ROR2: variants seen among roughly 807,000 people sequenced by gnomAD.
ROR2 encodes tyrosine-protein kinase transmembrane receptor ROR2.
ROR2 carries 33 observed loss-of-function variants against 74.9 expected under a neutral mutation model. That is an observed-to-expected ratio of 0.44 (90% CI 0.33 to 0.59). The LOEUF (loss-of-function observed/expected upper bound fraction) is 0.59. ROR2 is among the 20% of genes least tolerant of loss of function. The pLI is 0.02. For missense variants in ROR2, 1,216 were observed against 1,313.8 expected (o/e 0.93, Z 1.15); for synonymous variants, 586 against 558.7 (o/e 1.05, Z -0.69).
chr9:91,919,860 T>C (rs545785793), intron 1 of ROR2, among the ~76,000 whole-genome samples: 2 of 152,220 alleles, frequency 1.3e-5, no homozygotes, highest in East Asian at 3.9e-4. Flanking sequence ...ACCACTGGGG[T>C]GGACTCGGAG....
Position 91,722,842 on chromosome 9 carries a change from C to T in ROR2, c.*820G>A. On this transcript the variant is annotated 3_prime_UTR_variant, in exon 9 of 9. Transcript: ENST00000375708. The stretch of plus-strand genomic sequence containing the variant: ...GACCAAAATACTTCAATGAAAATGG[C>T]ATATTAAAAACATATAAATTACATT... 1.8e-6 allele frequency: 1 copy of T among 548,484 alleles called. No homozygotes were observed. The highest frequency in any genetic ancestry group is 3.1e-5 in the Admixed American group (1 of 32,484). 34.0% of individuals were successfully genotyped at this position (548,484 alleles called of 1,614,324 possible). A position where few individuals can be genotyped will look rare whatever the true frequency, so the allele number is the denominator to read the frequency against.
At chr9:91,895,669 C>A (rs980304079) in intron 1 of ROR2, among the ~76,000 whole-genome samples, 1 of 152,156 alleles carries the variant, frequency 6.6e-6, no homozygotes, top group Non-Finnish European at 1.5e-5. Context: ...CATGGTGAAA[C>A]CCCATCTCTA....
intron 1 of ROR2, among the ~76,000 whole-genome samples, chr9:91,880,410 A>C (rs1830076322): frequency 6.6e-6 from 1 of 152,256 alleles, no homozygotes; most frequent in African/African-American, 2.4e-5. Context: ...AAGCATTTGT[A>C]GGTGCATCAG....
At chr9:91,810,876 C>G (rs1005566132) in intron 1 of ROR2, among the ~76,000 whole-genome samples, 9 of 152,220 alleles carry the variant, frequency 5.9e-5, no homozygotes, top group African/African-American at 1.7e-4. Context: ...GGGGAGACAT[C>G]GGCACTCTCA....
At chr9:91,770,408 C>G (rs967225806) in intron 2 of ROR2, among the ~76,000 whole-genome samples, 5 of 152,186 alleles carry the variant, frequency 3.3e-5, no homozygotes, top group Non-Finnish European at 5.9e-5. Context: ...TCGGTATGGG[C>G]GGGGGCAGGG....
intron 1 of ROR2, among the ~76,000 whole-genome samples, chr9:91,843,309 G>T (rs1265599474): frequency 6.6e-6 from 1 of 152,234 alleles, no homozygotes; most frequent in Non-Finnish European, 1.5e-5. Context: ...TAAAGTCAGT[G>T]GGGTCTGAGC....
At chr9:91,835,552 T>G (rs1037268173) in intron 1 of ROR2, among the ~76,000 whole-genome samples, 33 of 152,160 alleles carry the variant, frequency 2.2e-4, no homozygotes, top group African/African-American at 7.7e-4. Flanking sequence ...CCATCCCTGA[T>G]CCCCATCTCC....
At chr9:91,743,930 T>A (rs1386730973) in intron 4 of ROR2, among the ~76,000 whole-genome samples, 2 of 152,268 alleles carry the variant, frequency 1.3e-5, no homozygotes, top group Non-Finnish European at 2.9e-5. Context: ...GCTTTATTTA[T>A]AATTGCCCCC....
rs1368305927 is a variant in ROR2 at position 91,756,070 on chromosome 9, C to T, written c.494+1G>A. ...ACGGCTTGGGGAAAACAGATACTTA[C>T]TGAAAGTTATGATTTGGGCTGTGCG... On this transcript the variant is annotated splice_donor_variant, in intron 4 of 8. Coordinates refer to ENST00000375708, the MANE Select transcript of ROR2 (RefSeq NM_004560.4). LOFTEE classifies it high-confidence loss of function. 1 of 1,613,858 alleles carries T rather than the reference C, an allele frequency of 6.2e-7. No homozygotes were observed. The highest frequency in any genetic ancestry group is 8.5e-7 in the Non-Finnish European group (1 of 1,179,862).
intron 1 of ROR2, among the ~76,000 whole-genome samples, chr9:91,817,092 G>A (rs1373834143): frequency 2.6e-5 from 4 of 152,260 alleles, no homozygotes; most frequent in South Asian, 4.1e-4. Context: ...AGCTTCACTC[G>A]GGGCCTCTGA....
chr9:91,735,245 G>A (rs1824980433), intron 5 of ROR2, among the ~76,000 whole-genome samples: 1 of 152,182 alleles, frequency 6.6e-6, no homozygotes, highest in Non-Finnish European at 1.5e-5. Context: ...CACCCTGAAT[G>A]TCACACAACA....
At chr9:91,918,544 G>A (rs1418734711) in intron 1 of ROR2, among the ~76,000 whole-genome samples, 1 of 152,202 alleles carries the variant, frequency 6.6e-6, no homozygotes, top group Non-Finnish European at 1.5e-5. Flanking sequence ...CATTTTTGTA[G>A]GTTGAAACGG....
intron 1 of ROR2, among the ~76,000 whole-genome samples, chr9:91,889,207 G>A (rs1286785661): frequency 1.3e-5 from 2 of 152,220 alleles, no homozygotes; most frequent in African/African-American, 4.8e-5. Flanking sequence ...AGCAACCGCT[G>A]CCTGCAAAGC....
chr9:91,925,089 A>C (rs1040751828), intron 1 of ROR2, among the ~76,000 whole-genome samples: 1 of 152,032 alleles, frequency 6.6e-6, no homozygotes, highest in African/African-American at 2.4e-5. Flanking sequence ...TGGGCTCAGT[A>C]ATCCTCCCAT....
intron 1 of ROR2, among the ~76,000 whole-genome samples, chr9:91,838,484 A>G (rs1429744123): frequency 6.6e-6 from 1 of 152,160 alleles, no homozygotes; most frequent in African/African-American, 2.4e-5. Context: ...TCTCCTTGGC[A>G]TAAGCTATCT....
chr9:91,794,004 A>T (rs1279619362), intron 1 of ROR2, among the ~76,000 whole-genome samples: 1 of 152,182 alleles, frequency 6.6e-6, no homozygotes. Context: ...CCATGTGCCT[A>T]TGCACAGTTC....
intron 1 of ROR2, among the ~76,000 whole-genome samples, chr9:91,910,077 G>A (rs907817606): frequency 1.3e-5 from 2 of 151,034 alleles, no homozygotes; most frequent in Non-Finnish European, 1.5e-5. Context: ...GGCCAGGCTG[G>A]TCTCAAACTC....
At chr9:91,897,873 T>C (rs190960111) in intron 1 of ROR2, among the ~76,000 whole-genome samples, 57 of 152,254 alleles carry the variant, frequency 3.7e-4, no homozygotes, top group Admixed American at 2.9e-3. Flanking sequence ...GTGTGTATCA[T>C]TGCATCCACC....
chr9:91,729,635 C>T (rs1022179159), intron 7 of ROR2, among the ~76,000 whole-genome samples: 2 of 152,166 alleles, frequency 1.3e-5, no homozygotes, highest in Admixed American at 6.5e-5. Flanking sequence ...TCTCTTTATC[C>T]GCGGGTGCCC....
Sources: gnomAD v4.1 joint callset for allele counts (sites outside exome capture counted in the v4.1 genomes callset) on GRCh38, gnomAD v4.1.1 for gene constraint, MANE v1.5 for transcripts, NCBI Gene and HGNC (gene_info 2026-07-23, HGNC 2026-07-21) for gene names.